RBKS: variants seen among roughly 807,000 people sequenced by gnomAD.
The protein encoded by RBKS is ribokinase.
A neutral mutation model predicts 33.9 loss-of-function variants in RBKS; 33 were observed. That is an observed-to-expected ratio of 0.97 (90% CI 0.74 to 1.30). The LOEUF (loss-of-function observed/expected upper bound fraction) is 1.30, where lower values mean the gene tolerates loss of function less well. RBKS is among the 50% of genes most tolerant of loss of function. The pLI is 0.00. For missense variants in RBKS, 361 were observed against 392.6 expected (o/e 0.92, Z 0.68); for synonymous variants, 125 against 143.0 (o/e 0.87, Z 0.90).
At chr2:27,821,729 T>C (rs1007639262) in intron 7 of RBKS, among the ~76,000 whole-genome samples, 1 of 152,210 alleles carries the variant, frequency 6.6e-6, no homozygotes, top group East Asian at 1.9e-4. Context: ...CTTTGAGTAG[T>C]AGCTGTGTCA....
chr2:27,797,933 GT>G (rs1677692945), intron 7 of RBKS, among the ~76,000 whole-genome samples: 1 of 152,056 alleles, frequency 6.6e-6, no homozygotes, highest in Non-Finnish European at 1.5e-5. Context: ...AGGATGTGAG[GT>G]TTTACCGGAG....
At position 27,798,288 on chromosome 2, in the gene RBKS, A is replaced by G. The variant is rs149287827; in HGVS notation, c.796-16500T>C. On this transcript the variant is annotated intron_variant, in intron 7 of 7. Coordinates refer to ENST00000302188, the MANE Select transcript of RBKS (RefSeq NM_022128.3). ...CTCTCCTCTGTCTTTGGATTTGTGT[A>G]TCTAACCACCCGTGAGCCTGCTTAA... Among the ~76,000 whole-genome samples, 185 of 152,176 alleles carry G rather than the reference A, an allele frequency of 1.2e-3. 1 individual carries two copies. Among genetic ancestry groups the G allele is most frequent in the African/African-American group, 4.2e-3 (173 of 41,520 alleles).
intron 1 of RBKS, among the ~76,000 whole-genome samples, chr2:27,884,548 A>G (rs967211489): frequency 2.0e-5 from 3 of 151,872 alleles, no homozygotes; most frequent in South Asian, 2.1e-4. Flanking sequence ...ATGCCTGGCC[A>G]TAACTTTTTT....
At chr2:27,835,300 G>A (rs1055859796) in intron 5 of RBKS, among the ~76,000 whole-genome samples, 7 of 150,068 alleles carry the variant, frequency 4.7e-5, no homozygotes, top group South Asian at 2.1e-4. Context: ...AGAAAAAAAA[G>A]AATTATGACA....
chr2:27,789,941 G>GTATATGTGTATATATATATATATATA (rs1553374155), intron 7 of RBKS, among the ~76,000 whole-genome samples: 145 of 96,514 alleles, frequency 1.5e-3, no homozygotes, highest in Non-Finnish European at 2.5e-3. Context: ...ATATATATAT[G>GTATATGTGTATATATATATATATATA]TATATGTGTA....
At chr2:27,819,047 G>T (rs200441514) in intron 7 of RBKS, among the ~76,000 whole-genome samples, 1 of 152,150 alleles carries the variant, frequency 6.6e-6, no homozygotes, top group Non-Finnish European at 1.5e-5. Context: ...TTCACTTCAG[G>T]TCACTTCTGA....
chr2:27,864,061 C>T (rs1487491617), intron 1 of RBKS, among the ~76,000 whole-genome samples: 1 of 151,974 alleles, frequency 6.6e-6, no homozygotes, highest in Non-Finnish European at 1.5e-5. Flanking sequence ...GGGTCTTGCT[C>T]TGTTGCCCAG....
intron 1 of RBKS, among the ~76,000 whole-genome samples, chr2:27,879,117 T>C (rs1664371737): frequency 6.6e-6 from 1 of 152,194 alleles, no homozygotes; most frequent in African/African-American, 2.4e-5. Flanking sequence ...GTGGAATGTC[T>C]TCCTTCCCCT....
At chr2:27,866,288 G>A (rs2148223717) in intron 1 of RBKS, among the ~76,000 whole-genome samples, 1 of 152,194 alleles carries the variant, frequency 6.6e-6, no homozygotes, top group East Asian at 1.9e-4. Context: ...ATCAATCTTT[G>A]TTCCTCTATA....
At chr2:27,840,360 G>GCACACACACACACACGCA (rs752347864) in intron 5 of RBKS, among the ~76,000 whole-genome samples, 1 of 68,328 alleles carries the variant, frequency 1.5e-5, no homozygotes, top group East Asian at 1.9e-3. Flanking sequence ...ACACACGCGC[G>GCACACACACACACACGCA]CGCGCACACA....
At chr2:27,859,771 AGAACCTACACTGCTTTTACAGGTTAG>A (rs1239222407) in intron 1 of RBKS, among the ~76,000 whole-genome samples, 1 of 152,034 alleles carries the variant, frequency 6.6e-6, no homozygotes, top group African/African-American at 2.4e-5. Context: ...AAGGCCACTG[AGAACCTACACTGCTTTTACAGGTTAG>A]AAATTTATAT....
intron 1 of RBKS, among the ~76,000 whole-genome samples, chr2:27,878,011 GTTTATT>G (rs1558558096): frequency 8.1e-6 from 1 of 124,146 alleles, no homozygotes; most frequent in East Asian, 2.0e-4. Flanking sequence ...CCTTTAATCA[GTTTATT>G]TTTATTTTTT....
intron 7 of RBKS, among the ~76,000 whole-genome samples, chr2:27,801,958 AAAAAAATATAT>A (rs1558536411): frequency 3.1e-4 from 21 of 67,288 alleles, no homozygotes; most frequent in African/African-American, 1.2e-3. Context: ...GGGAAAAAAA[AAAAAAATATAT>A]ATATATATAT....
intron 1 of RBKS, among the ~76,000 whole-genome samples, chr2:27,888,690 T>A (rs558424660): frequency 6.6e-6 from 1 of 152,194 alleles, no homozygotes. Context: ...GTAAACACAG[T>A]AATGTTCTTT....
intron 7 of RBKS, among the ~76,000 whole-genome samples, chr2:27,811,800 G>C (rs1677990137): frequency 1.3e-5 from 2 of 152,188 alleles, no homozygotes; most frequent in Non-Finnish European, 1.5e-5. Context: ...GCAGTTTGCT[G>C]GTCCGGGTAA....
intron 4 of RBKS, among the ~76,000 whole-genome samples, chr2:27,843,522 C>T (rs1345639682): frequency 6.6e-6 from 1 of 152,104 alleles, no homozygotes; most frequent in Admixed American, 6.5e-5. Flanking sequence ...ATATAACATA[C>T]TTTAAACATT....
At chr2:27,854,372 G>A (rs1375851676) in intron 2 of RBKS, among the ~76,000 whole-genome samples, 2 of 152,176 alleles carry the variant, frequency 1.3e-5, no homozygotes, top group Non-Finnish European at 2.9e-5. Flanking sequence ...TTAATGTACC[G>A]AGTTAGGAGG....
intron 5 of RBKS, among the ~76,000 whole-genome samples, chr2:27,833,309 T>G (rs779696969): frequency 1.3e-5 from 2 of 152,138 alleles, no homozygotes; most frequent in Non-Finnish European, 2.9e-5. Context: ...TATGTATGCC[T>G]CCCAAATATA....
intron 7 of RBKS, among the ~76,000 whole-genome samples, chr2:27,814,104 C>G (rs559823004): frequency 2.0e-5 from 3 of 152,090 alleles, no homozygotes; most frequent in African/African-American, 7.2e-5. Context: ...GCCTGTGGTC[C>G]CAGCTACTCA....
Sources: allele counts gnomAD v4.1 joint callset (sites outside exome capture counted in the v4.1 genomes callset), GRCh38; gene constraint gnomAD v4.1.1; transcripts MANE v1.5; gene names NCBI Gene and HGNC (gene_info 2026-07-23, HGNC 2026-07-21).